Variants in MYO18B observed in about 807,000 individuals in gnomAD.
The protein encoded by MYO18B is myosin XVIIIB.
A neutral mutation model predicts 273.0 loss-of-function variants in MYO18B; 204 were observed. The observed-to-expected ratio is 0.75, with a 90% CI of 0.67 to 0.84. The LOEUF is 0.84. Ranked by LOEUF, MYO18B falls within the 40% of genes least tolerant of loss-of-function variation. The pLI is 0.00. For synonymous variants in MYO18B, 1,330 were observed against 1,305.7 expected (o/e 1.02, Z -0.40); for missense variants, 3,212 against 3,287.6 (o/e 0.98, Z 0.56).
chr22:25,922,556 T>G (rs969834952), intron 34 of MYO18B, among the ~76,000 whole-genome samples: 1 of 152,136 alleles, frequency 6.6e-6, no homozygotes, highest in Non-Finnish European at 1.5e-5. Context: ...TGATGTTACC[T>G]TCCCTCGGAT....
intron 42 of MYO18B, among the ~76,000 whole-genome samples, chr22:26,007,961 A>G (rs1006890397): frequency 3.3e-5 from 5 of 152,314 alleles, no homozygotes; most frequent in African/African-American, 4.8e-5. Context: ...ATCTTTTTCT[A>G]TATGTATATA....
chr22:25,992,683 C>G (rs1323899858), intron 40 of MYO18B, among the ~76,000 whole-genome samples, 190 bp downstream of exon 40: 3 of 152,214 alleles, frequency 2.0e-5, no homozygotes, highest in African/African-American at 7.2e-5. Flanking sequence ...CCTCTCCTTG[C>G]TGTTGCTAAA....
intron 33 of MYO18B, among the ~76,000 whole-genome samples, chr22:25,914,503 C>T (rs972409772): frequency 6.6e-6 from 1 of 151,724 alleles, no homozygotes; most frequent in Admixed American, 6.6e-5. Flanking sequence ...GAATATTTTT[C>T]TGTATTCTAT....
chr22:25,860,142 G>A (rs2090688389), intron 21 of MYO18B, among the ~76,000 whole-genome samples: 1 of 152,104 alleles, frequency 6.6e-6, no homozygotes, highest in East Asian at 1.9e-4. Flanking sequence ...ACATTTATTG[G>A]CCATAAATAA....
At chr22:25,923,617 G>A (rs925430406) in intron 34 of MYO18B, among the ~76,000 whole-genome samples, 3 of 152,198 alleles carry the variant, frequency 2.0e-5, no homozygotes, top group African/African-American at 4.8e-5. Flanking sequence ...CTCACATTGC[G>A]TCTTCCTGTC....
chr22:26,038,823 C>G, the MYO18B span, among the ~76,000 whole-genome samples: 1 of 152,164 alleles, frequency 6.6e-6, no homozygotes, highest in Non-Finnish European at 1.5e-5. Flanking sequence ...TCTCTCTGCC[C>G]TGAGACTGTA....
Position 25,755,108 on chromosome 22 carries a change from C to T in MYO18B, c.-109-5876C>T, listed in dbSNP as rs143799940. ...GCCTCGCCAGTGTCTCCCAAGGGGA[C>T]GACGGGAGGGGAGGGTGTCTTTCCT... is the stretch of plus-strand genomic sequence containing the variant. On this transcript the variant is annotated intron_variant, in intron 1 of 43. Coordinates refer to ENST00000335473, the MANE Select transcript of MYO18B (RefSeq NM_032608.7). 3.3e-5 allele frequency among the ~76,000 whole-genome samples: 5 copies of T among 152,284 alleles called. No homozygotes were observed. In the East Asian group the frequency reaches 7.7e-4, roughly 24 times the overall value.
intron 12 of MYO18B, among the ~76,000 whole-genome samples, chr22:25,816,144 A>G (rs1433871762): frequency 3.9e-5 from 6 of 152,206 alleles, no homozygotes. Context: ...TACATTTTCC[A>G]TGTTCTCAAA....
At chr22:25,782,179 A>C (rs978259023) in intron 10 of MYO18B, among the ~76,000 whole-genome samples, 1 of 152,192 alleles carries the variant, frequency 6.6e-6, no homozygotes, top group Non-Finnish European at 1.5e-5. Flanking sequence ...TGGAAACAAC[A>C]CCTTGCATAG....
intron 41 of MYO18B, 69 bp from the exon 42 acceptor site, chr22:26,004,649 G>A: frequency 6.3e-7 from 1 of 1,579,226 alleles, no homozygotes; most frequent in Admixed American, 1.7e-5. Flanking sequence ...TATGCTATGG[G>A]TGAATATCTA....
chr22:25,867,289 C>T (rs1363513223), intron 21 of MYO18B, among the ~76,000 whole-genome samples: 3 of 152,190 alleles, frequency 2.0e-5, no homozygotes, highest in African/African-American at 7.2e-5. Flanking sequence ...CTTCATTTCC[C>T]CCTGTCTCCA....
intron 39 of MYO18B, among the ~76,000 whole-genome samples, chr22:25,968,839 C>T (rs1377053449): frequency 1.3e-5 from 2 of 152,106 alleles, no homozygotes; most frequent in African/African-American, 4.8e-5. Flanking sequence ...CTGCTGAGAC[C>T]CCTGGGCAAG....
chr22:25,955,148 C>T (rs2092834264), intron 38 of MYO18B, 31 bp from the exon 39 acceptor site: 2 of 1,547,868 alleles, frequency 1.3e-6, no homozygotes, highest in African/African-American at 2.7e-5. Context: ...CCTCCAACTC[C>T]AAGGTGGGCA....
chr22:25,902,516 A>G, intron 29 of MYO18B, 97 bp from the exon 30 acceptor site: 1 of 1,356,786 alleles, frequency 7.4e-7, no homozygotes, highest in African/African-American at 1.5e-5. Flanking sequence ...GTTCTTGGGA[A>G]ACTAGCGGCC....
In MYO18B at chr22:25,911,048, C is replaced by G; in HGVS notation, c.5362C>G (p.Gln1788Glu). 6.3e-7 allele frequency: 1 copy of G among 1,598,534 alleles called. No homozygotes were observed. Among genetic ancestry groups the G allele is most frequent in the Non-Finnish European group, 8.5e-7 (1 of 1,171,888 alleles). The stretch of plus-strand genomic sequence containing the variant: ...AGGCTTGATCGGAACCCTCTGTGAC[C>G]AGGTAAGGGGGAGACATTGGCAGAC... The part of the protein sequence containing the change: ...LEGLIGTLCD[Q>E]IGHRDFDVEK... Residue 1788 changes from glutamine to glutamate, a missense_variant and splice_region_variant, in exon 33 of 44, where the codon CAG becomes GAG. Physicochemically the swap from Gln to Glu is conservative, Grantham distance 29. Coordinates refer to ENST00000335473, the MANE Select transcript of MYO18B (RefSeq NM_032608.7).
intron 40 of MYO18B, 53 bp from the exon 41 acceptor site, chr22:26,003,212 C>T: frequency 2.0e-6 from 3 of 1,524,188 alleles, no homozygotes; most frequent in Non-Finnish European, 2.7e-6. Context: ...AACCATGCTT[C>T]CAAGCCCCTG....
intron 8 of MYO18B, 141 bp from the exon 9 acceptor site, chr22:25,779,915 G>A: frequency 9.7e-7 from 1 of 1,029,350 alleles, no homozygotes; most frequent in Non-Finnish European, 1.4e-6. Context: ...GTGGCAGGAA[G>A]CTCACAGGAA....
rs994532531 is a variant in MYO18B, at chr22:25,950,409, C to G, written c.5791C>G (p.Leu1931Val). 2.5e-6 allele frequency: 4 copies of G among 1,607,784 alleles called. No individual in the cohort carries two copies. Among genetic ancestry groups the G allele is most frequent in the Non-Finnish European group, 3.4e-6 (4 of 1,177,200 alleles). The stretch of plus-strand genomic sequence containing the variant: ...GCAGATCCAAGAACTGCAGCTGCAG[C>G]TGGAGGAAGCCAAGAAGGAGAAGCA... ...IGQIQELQLQLEEAKKEKHKL... is the reference protein window; with the variant it reads ...IGQIQELQLQVEEAKKEKHKL... The change falls in exon 37 of 44, where the codon CTG becomes GTG. Residue 1931 changes from leucine (L) to valine (V), a missense_variant. By Grantham distance (32) the Leu-to-Val change is conservative. Coordinates refer to ENST00000335473, the MANE Select transcript of MYO18B (RefSeq NM_032608.7).
At chr22:25,912,710 C>T (rs2092181637) in intron 33 of MYO18B, among the ~76,000 whole-genome samples, 2 of 152,284 alleles carry the variant, frequency 1.3e-5, no homozygotes, top group South Asian at 2.1e-4. Flanking sequence ...GGAAACAAAA[C>T]GTTTTAAGAA....
Sources: gnomAD v4.1 joint callset for allele counts (sites outside exome capture counted in the v4.1 genomes callset) on GRCh38, gnomAD v4.1.1 for gene constraint, MANE v1.5 for transcripts, NCBI Gene and HGNC (gene_info 2026-07-23, HGNC 2026-07-21) for gene names.